Variants in FGF12 observed in about 807,000 individuals in gnomAD.
FGF12 encodes fibroblast growth factor 12B.
A neutral mutation model predicts 23.6 loss-of-function variants in FGF12; 14 were observed. The ratio of observed to expected loss-of-function variants is 0.59; its 90% confidence interval spans 0.39 to 0.93. FGF12 has a LOEUF of 0.93. Among genes scored for constraint, FGF12 ranks in the 40% least tolerant of loss-of-function variants. FGF12 has a pLI of 0.00. For synonymous variants in FGF12, 62 were observed against 77.3 expected, an observed-to-expected ratio of 0.80 and a Z score of 1.04; for missense variants, 175 against 217.8, an observed-to-expected ratio of 0.80 and a Z score of 1.24.
At chr3:192,429,570 C>G (rs550058490) in intron 2 of FGF12, among the ~76,000 whole-genome samples, 7 of 152,196 alleles carry the variant, frequency 4.6e-5, no homozygotes, top group African/African-American at 1.7e-4. Context: ...GAACTATGTG[C>G]CTACACTTTA....
intron 2 of FGF12, among the ~76,000 whole-genome samples, chr3:192,477,749 A>G (rs562440349): frequency 3.3e-5 from 5 of 152,266 alleles, no homozygotes; most frequent in Non-Finnish European, 7.4e-5. Context: ...AAAATTGCAT[A>G]TGGTTGATTT....
chr3:192,481,435 A>C (rs1723476492), intron 2 of FGF12, among the ~76,000 whole-genome samples: 2 of 152,198 alleles, frequency 1.3e-5, no homozygotes, highest in African/African-American at 4.8e-5. Flanking sequence ...CAGTATCTCC[A>C]ACTAGGGGAA....
rs1560175644 is a variant in FGF12, at chr3:192,167,757, AT to A, written c.427+2700del. 2.6e-3 allele frequency among the ~76,000 whole-genome samples: 78 copies of A among 30,572 alleles called. 7 individuals carry two copies. Among genetic ancestry groups the A allele is most frequent in the Middle Eastern group, 0.017 (1 of 58 alleles). 20.1% of individuals were successfully genotyped at this position (30,572 alleles called of 152,430 possible). A position where few individuals can be genotyped will look rare whatever the true frequency, so the allele number is the denominator to read the frequency against. ...TATATATATATATATATATATATAT[AT>A]ATATATATATAAAATTTTTTTTTTT... On this transcript the variant is annotated intron_variant, in intron 5 of 5. Transcript: ENST00000445105.
At chr3:192,610,948 C>T (rs1714527782) in intron 2 of FGF12, among the ~76,000 whole-genome samples, 1 of 151,984 alleles carries the variant, frequency 6.6e-6, no homozygotes. Context: ...ATTGCAGCCT[C>T]ATTTATACTC....
intron 3 of FGF12, among the ~76,000 whole-genome samples, chr3:192,338,801 C>T (rs1328767463): frequency 6.6e-6 from 1 of 152,030 alleles, no homozygotes; most frequent in Non-Finnish European, 1.5e-5. Flanking sequence ...GATAGAGATG[C>T]TAATGAAAGC....
Position 192,414,190 on chromosome 3 carries a change from A to G in FGF12, c.14-53652T>C. 1.3e-5 allele frequency among the ~76,000 whole-genome samples: 2 copies of G among 152,212 alleles called. 1 individual carries two copies. The highest frequency in any genetic ancestry group is 3.8e-4 in the East Asian group (2 of 5,200). The stretch of plus-strand genomic sequence containing the variant: ...GTATTTTGATAAGAAACATAGATGT[A>G]ATTAATGTGAGCCAATGAGAAGTGC... On this transcript the variant is annotated intron_variant, in intron 2 of 5. Transcript: ENST00000445105.
chr3:192,442,153 C>T (rs1451076823), intron 2 of FGF12, among the ~76,000 whole-genome samples: 1 of 152,170 alleles, frequency 6.6e-6, no homozygotes, highest in East Asian at 1.9e-4. Flanking sequence ...GTGAATGATT[C>T]AAAGAAGTCT....
rs554348951 is a variant in FGF12 at position 192,543,639 on chromosome 3, C to T, written c.14-183101G>A. ...TGGGTCTCACCTGAAGCCAGCATGT[C>T]TTTGAGTCTCACCCAAGGCCCACAG... On this transcript the variant is annotated intron_variant, in intron 2 of 5. Transcript: ENST00000445105. Among the ~76,000 whole-genome samples the T allele has an allele frequency of 2.7e-5, 4 of 150,132 alleles. No homozygotes were observed. In the East Asian group the frequency reaches 7.8e-4, roughly 29 times the overall value.
At chr3:192,271,980 G>A (rs546617861) in intron 4 of FGF12, among the ~76,000 whole-genome samples, 1 of 152,216 alleles carries the variant, frequency 6.6e-6, no homozygotes, top group Admixed American at 6.5e-5. Context: ...ATCTGATCTG[G>A]TCCTACTCAT....
chr3:192,167,088 G>A (rs1291734213), intron 5 of FGF12, among the ~76,000 whole-genome samples: 2 of 148,594 alleles, frequency 1.3e-5, no homozygotes, highest in Middle Eastern at 3.6e-3. Flanking sequence ...GAAGCCTGAA[G>A]CAGAGTTTTT....
chr3:192,435,185 TAGA>T (rs1721979430), intron 2 of FGF12, among the ~76,000 whole-genome samples: 1 of 152,202 alleles, frequency 6.6e-6, no homozygotes, highest in African/African-American at 2.4e-5. Flanking sequence ...CAGAAAGCTT[TAGA>T]AGAACATTCC....
At chr3:192,212,786 T>TGGGG (rs35232167) in intron 4 of FGF12, among the ~76,000 whole-genome samples, 3 of 141,408 alleles carry the variant, frequency 2.1e-5, no homozygotes, top group African/African-American at 5.2e-5. Flanking sequence ...TTCACAAAAA[T>TGGGG]GGGGGGGGGG....
intron 4 of FGF12, among the ~76,000 whole-genome samples, chr3:192,288,035 C>T (rs2108646517): frequency 6.6e-6 from 1 of 150,464 alleles, no homozygotes; most frequent in African/African-American, 2.4e-5. Context: ...CTAATCACTC[C>T]TAGAAATAAG....
At chr3:192,428,366 C>T (rs1721754903) in intron 2 of FGF12, among the ~76,000 whole-genome samples, 1 of 152,166 alleles carries the variant, frequency 6.6e-6, no homozygotes, top group Non-Finnish European at 1.5e-5. Flanking sequence ...AAACAGTTCA[C>T]ATGTATGAAA....
At chr3:192,612,758 A>T (rs1434132331) in intron 2 of FGF12, among the ~76,000 whole-genome samples, 3 of 151,994 alleles carry the variant, frequency 2.0e-5, no homozygotes, top group Non-Finnish European at 4.4e-5. Flanking sequence ...TAATTTCAAA[A>T]CATAAAAAAT....
At chr3:192,610,727 G>A (rs776242655) in intron 2 of FGF12, among the ~76,000 whole-genome samples, 12 of 151,958 alleles carry the variant, frequency 7.9e-5, no homozygotes, top group Non-Finnish European at 1.6e-4. Context: ...GCAAGATCTG[G>A]CTTCCCCATT....
chr3:192,662,706 A>G (rs1716718432), intron 2 of FGF12, among the ~76,000 whole-genome samples: 1 of 152,202 alleles, frequency 6.6e-6, no homozygotes, highest in Non-Finnish European at 1.5e-5. Flanking sequence ...CATTTTCACT[A>G]TCAATAAGGA....
At chr3:192,322,477 T>A (rs1197853151) in intron 4 of FGF12, among the ~76,000 whole-genome samples, 1 of 147,216 alleles carries the variant, frequency 6.8e-6, no homozygotes, top group East Asian at 2.0e-4. Flanking sequence ...ATCCTAAAAT[T>A]TATAATTTAT....
chr3:192,641,101 C>CTTTTT (rs1164796476), intron 2 of FGF12, among the ~76,000 whole-genome samples: 4 of 56,644 alleles, frequency 7.1e-5, no homozygotes, highest in Non-Finnish European at 1.0e-4. Flanking sequence ...TGGCCTTTCA[C>CTTTTT]TTTTTTTTTT....
Sources: allele counts gnomAD v4.1 joint callset (sites outside exome capture counted in the v4.1 genomes callset), GRCh38; gene constraint gnomAD v4.1.1; transcripts MANE v1.5; gene names NCBI Gene and HGNC (gene_info 2026-07-23, HGNC 2026-07-21).